The following NCAM2 variants were observed in gnomAD, a reference collection of about 807,000 sequenced individuals.
NCAM2 encodes the protein N-CAM-2.
Under a neutral mutation model 98.1 loss-of-function variants are expected in NCAM2, and 30 were observed. That is an observed-to-expected ratio of 0.31 (90% confidence interval 0.23 to 0.41). The LOEUF (loss-of-function observed/expected upper bound fraction) is 0.41, where lower values mean the gene tolerates loss of function less well. NCAM2 is among the 10% of genes least tolerant of loss of function. NCAM2 has a pLI of 1.00. For missense variants in NCAM2, 867 were observed against 1,005.8 expected, an observed-to-expected ratio of 0.86 and a Z score of 1.87; for synonymous variants, 368 against 342.4, an observed-to-expected ratio of 1.07 and a Z score of -0.83.
At chr21:21,493,759 A>G (rs1987014076) in intron 15 of NCAM2, among the ~76,000 whole-genome samples, 1 of 151,690 alleles carries the variant, frequency 6.6e-6, no homozygotes, top group Non-Finnish European at 1.5e-5. Context: ...CCTTTTTACT[A>G]TTTCCTAGGT....
intron 8 of NCAM2, among the ~76,000 whole-genome samples, chr21:21,367,793 C>T (rs2075822813): frequency 6.6e-6 from 1 of 151,610 alleles, no homozygotes; most frequent in African/African-American, 2.4e-5. Context: ...AACTGAGGTA[C>T]CACTAAGTAA....
At chr21:21,452,028 T>C (rs1981155925) in intron 12 of NCAM2, among the ~76,000 whole-genome samples, 1 of 152,078 alleles carries the variant, frequency 6.6e-6, no homozygotes, top group Admixed American at 6.6e-5. Context: ...ACTCTATTTC[T>C]TGATGCTCAG....
intron 4 of NCAM2, 156 bp downstream of exon 4, chr21:21,286,568 C>A: frequency 2.7e-6 from 1 of 371,164 alleles, no homozygotes; most frequent in Non-Finnish European, 3.7e-6. Context: ...TAGGATTTTG[C>A]AATCTAGGGA....
intron 1 of NCAM2, among the ~76,000 whole-genome samples, chr21:21,237,925 A>C (rs2070898947): frequency 6.8e-6 from 1 of 146,886 alleles, no homozygotes; most frequent in Non-Finnish European, 1.5e-5. Context: ...TTCTTTGTTA[A>C]ATTTTGTCCA....
At chr21:21,234,467 G>A (rs1043598080) in intron 1 of NCAM2, among the ~76,000 whole-genome samples, 2 of 151,846 alleles carry the variant, frequency 1.3e-5, no homozygotes, top group African/African-American at 4.8e-5. Context: ...ATATGCATAG[G>A]AAAGAATTTA....
intron 7 of NCAM2, among the ~76,000 whole-genome samples, chr21:21,337,075 T>C (rs1448649129): frequency 6.6e-6 from 1 of 152,134 alleles, no homozygotes; most frequent in Non-Finnish European, 1.5e-5. Flanking sequence ...AAATATTTTT[T>C]CTATAAAACC....
At chr21:21,225,296 A>G (rs1333738620) in intron 1 of NCAM2, among the ~76,000 whole-genome samples, 3 of 152,042 alleles carry the variant, frequency 2.0e-5, no homozygotes, top group South Asian at 2.1e-4. Flanking sequence ...TAGCTAATAC[A>G]TACTGGACTT....
intron 15 of NCAM2, among the ~76,000 whole-genome samples, chr21:21,490,208 T>C (rs1986732032): frequency 6.6e-6 from 1 of 151,938 alleles, no homozygotes; most frequent in East Asian, 1.9e-4. Flanking sequence ...TATTAGCTAA[T>C]ATTCTGTAAA....
At chr21:21,499,041 T>TTTA (rs1311907611) in intron 15 of NCAM2, among the ~76,000 whole-genome samples, 2 of 152,102 alleles carry the variant, frequency 1.3e-5, no homozygotes, top group African/African-American at 4.8e-5. Context: ...AAGAAAAATT[T>TTTA]TATAGTGTCA....
chr21:21,165,572 T>C (rs8128173), intron 1 of NCAM2, among the ~76,000 whole-genome samples: 1,864 of 152,282 alleles, frequency 0.012, 44 homozygotes, highest in African/African-American at 0.043. Context: ...CTCTGAAAAG[T>C]CAACCAATTC....
intron 1 of NCAM2, among the ~76,000 whole-genome samples, chr21:21,168,336 A>G (rs934541209): frequency 2.6e-5 from 4 of 152,108 alleles, no homozygotes; most frequent in African/African-American, 9.7e-5. Context: ...CCTACAGCTA[A>G]CACCATACTT....
chr21:21,426,279 G>C (rs894331374), intron 11 of NCAM2, among the ~76,000 whole-genome samples: 55 of 152,230 alleles, frequency 3.6e-4, no homozygotes, highest in African/African-American at 1.3e-3. Flanking sequence ...AACAGAAATA[G>C]ATAGAACCTA....
chr21:21,376,988 T>A (rs232526), intron 9 of NCAM2, among the ~76,000 whole-genome samples: 132,561 of 151,642 alleles, frequency 0.87, 58,244 homozygotes, highest in African/African-American at 0.97. Context: ...CTATTAAACT[T>A]TCATGTAAAT....
chr21:21,247,894 G>A (rs549612073), intron 1 of NCAM2, among the ~76,000 whole-genome samples: 71 of 151,758 alleles, frequency 4.7e-4, no homozygotes, highest in African/African-American at 1.5e-3. Context: ...TCTATTCCTC[G>A]TCCTTTTCTC....
At chr21:21,447,526 A>C (rs571927008) in intron 12 of NCAM2, among the ~76,000 whole-genome samples, 2 of 152,302 alleles carry the variant, frequency 1.3e-5, no homozygotes, top group East Asian at 3.9e-4. Flanking sequence ...AAGCAATTGC[A>C]ACAAAAGCCA....
chr21:21,322,543 A>AT (rs986658076), intron 5 of NCAM2, among the ~76,000 whole-genome samples: 37 of 152,186 alleles, frequency 2.4e-4, no homozygotes, highest in African/African-American at 8.4e-4. Flanking sequence ...CTATGTGTGC[A>AT]TTTATTTGTT....
At chr21:21,480,090 G>T (rs975554098) in intron 15 of NCAM2, among the ~76,000 whole-genome samples, 6 of 152,068 alleles carry the variant, frequency 3.9e-5, no homozygotes, top group African/African-American at 1.2e-4. Flanking sequence ...CAACTGGCCG[G>T]GCGCGGTGGC....
At chr21:21,411,015 A>T (rs232457) in intron 10 of NCAM2, among the ~76,000 whole-genome samples, 20,226 of 65,422 alleles carry the variant, frequency 0.31, 3,277 homozygotes, top group Non-Finnish European at 0.35. Context: ...TAAAAAAAAA[A>T]ATATATATAT....
chr21:21,120,792 C>T, intron 1 of NCAM2, among the ~76,000 whole-genome samples: 1 of 149,872 alleles, frequency 6.7e-6, no homozygotes, highest in East Asian at 2.0e-4. Flanking sequence ...AATCTCGGCT[C>T]ACTGCAACCT....
Sources: allele counts gnomAD v4.1 joint callset (sites outside exome capture counted in the v4.1 genomes callset), GRCh38; gene constraint gnomAD v4.1.1; transcripts MANE v1.5; gene names NCBI Gene and HGNC (gene_info 2026-07-23, HGNC 2026-07-21).